TEKT3: variants seen among roughly 807,000 people sequenced by gnomAD.
TEKT3 encodes tektin 3, also known as tektin-3.
Under a neutral mutation model 49.8 loss-of-function variants are expected in TEKT3, and 49 were observed. The observed-to-expected ratio is 0.98, with a 90% CI of 0.78 to 1.25. The LOEUF is 1.25. TEKT3 is among the 50% of genes most tolerant of loss of function. The probability of loss-of-function intolerance (pLI) is 0.00; values close to 1 mark genes in which losing one functional copy is unlikely to be tolerated. For missense variants in TEKT3, 595 were observed against 629.5 expected, an observed-to-expected ratio of 0.95 and a Z score of 0.59; for synonymous variants, 225 against 237.2, an observed-to-expected ratio of 0.95 and a Z score of 0.47.
chr17:15,309,819 C>T (rs1049160235), intron 7 of TEKT3, among the ~76,000 whole-genome samples: 16 of 152,082 alleles, frequency 1.1e-4, no homozygotes, highest in African/African-American at 3.9e-4. Flanking sequence ...AAGCTGACAT[C>T]GAGGCCTCTC....
chr17:15,321,523 C>A (rs1911256687), intron 4 of TEKT3, among the ~76,000 whole-genome samples: 1 of 152,100 alleles, frequency 6.6e-6, no homozygotes, highest in African/African-American at 2.4e-5. Flanking sequence ...CCCTCACCTG[C>A]CCAAGAGAAG....
At chr17:15,332,199 AT>A (rs1353310028) in intron 2 of TEKT3, among the ~76,000 whole-genome samples, 1 of 152,274 alleles carries the variant, frequency 6.6e-6, no homozygotes, top group East Asian at 1.9e-4. Flanking sequence ...TAAAAAATAA[AT>A]AAATAAATAA....
intron 3 of TEKT3, 115 bp downstream of exon 3, chr17:15,330,892 G>A: frequency 9.4e-7 from 1 of 1,066,860 alleles, no homozygotes. Flanking sequence ...TTTATTGATA[G>A]GGGGTTGGCT....
chr17:15,319,835 C>T (rs560551386), intron 4 of TEKT3, among the ~76,000 whole-genome samples: 3 of 152,246 alleles, frequency 2.0e-5, no homozygotes, highest in African/African-American at 4.8e-5. Flanking sequence ...TTTCTATGCA[C>T]GTTAGAAAAT....
upstream of TEKT3, among the ~76,000 whole-genome samples, chr17:15,342,884 T>C (rs900546263): frequency 1.3e-5 from 2 of 152,212 alleles, no homozygotes; most frequent in African/African-American, 4.8e-5. Flanking sequence ...CTATGTTCCT[T>C]ATCAGCAACT....
In TEKT3 at chr17:15,303,862, T is replaced by A. The variant is rs971945006; in HGVS notation, c.*74A>T. On this transcript the variant is annotated 3_prime_UTR_variant, in exon 9 of 9. Coordinates refer to ENST00000395930, the MANE Select transcript of TEKT3 (RefSeq NM_031898.3). ...CTTTAATAAGTGACTATATTAGCAT[T>A]CGGTTCAAATGCTGAGACAGTGCTC... 20 of 1,354,642 alleles carry A rather than the reference T, an allele frequency of 1.5e-5. No homozygotes were observed. The highest frequency in any genetic ancestry group is 2.9e-5 in the African/African-American group (2 of 69,532). 83.9% of individuals were successfully genotyped at this position (1,354,642 alleles called of 1,614,324 possible).
intron 8 of TEKT3, among the ~76,000 whole-genome samples, chr17:15,305,328 T>C (rs146384547): frequency 9.9e-5 from 15 of 152,276 alleles, no homozygotes; most frequent in Non-Finnish European, 1.9e-4. Context: ...TGCAACACCT[T>C]TCATCTTACA....
At chr17:15,333,689 C>G (rs1307974370) in intron 2 of TEKT3, among the ~76,000 whole-genome samples, 1 of 152,034 alleles carries the variant, frequency 6.6e-6, no homozygotes, top group African/African-American at 2.4e-5. Context: ...CAAGAAACTT[C>G]AAGTGGTGAT....
intron 8 of TEKT3, 34 bp downstream of exon 8, chr17:15,308,630 C>T (rs761979180): frequency 9.4e-6 from 15 of 1,588,914 alleles, no homozygotes; most frequent in South Asian, 4.4e-5. Context: ...GGTGGCCCTC[C>T]GAGCGAGCCC....
At chr17:15,336,139 C>T (rs1432755877) in intron 2 of TEKT3, among the ~76,000 whole-genome samples, 1 of 151,948 alleles carries the variant, frequency 6.6e-6, no homozygotes, top group African/African-American at 2.4e-5. Flanking sequence ...CGTGCACACA[C>T]ACAACCCCCT....
intron 5 of TEKT3, among the ~76,000 whole-genome samples, chr17:15,315,293 G>A (rs748750834): frequency 2.0e-5 from 3 of 152,180 alleles, no homozygotes; most frequent in Non-Finnish European, 2.9e-5. Flanking sequence ...ACATAAAAAA[G>A]GAGGAATCAG....
intron 3 of TEKT3, among the ~76,000 whole-genome samples, chr17:15,329,401 G>C (rs1165794850): frequency 6.6e-6 from 1 of 152,140 alleles, no homozygotes; most frequent in Non-Finnish European, 1.5e-5. Context: ...TCTGAAAGTA[G>C]TCATCACTGA....
intron 8 of TEKT3, among the ~76,000 whole-genome samples, chr17:15,305,823 CAGTT>C (rs1464313612): frequency 1.3e-5 from 2 of 151,516 alleles, no homozygotes; most frequent in Non-Finnish European, 2.9e-5. Flanking sequence ...AGAACGTAGG[CAGTT>C]AGAATACTTG....
intron 5 of TEKT3, among the ~76,000 whole-genome samples, chr17:15,315,954 G>C (rs1910987818): frequency 1.3e-5 from 2 of 152,226 alleles, no homozygotes; most frequent in Non-Finnish European, 2.9e-5. Flanking sequence ...CTAGCTGCAG[G>C]TTCCCTTCAA....
rs562669182 is a variant in TEKT3, at chr17:15,318,725, A to G, written c.734+352T>C. ...GCTAATTTGTATCTTTTATCTGTAG[A>G]GCAGAGGTCTCATTACATTGCCCAG... On this transcript the variant is annotated intron_variant, in intron 5 of 8. Coordinates refer to ENST00000395930, the MANE Select transcript of TEKT3 (RefSeq NM_031898.3). 2.0e-5 allele frequency among the ~76,000 whole-genome samples: 3 copies of G among 152,264 alleles called. No individual in the cohort carries two copies. The East Asian group carries it at 5.8e-4, about 29-fold the overall frequency.
At chr17:15,336,942 A>G (rs922380734) in intron 2 of TEKT3, among the ~76,000 whole-genome samples, 2 of 152,196 alleles carry the variant, frequency 1.3e-5, no homozygotes, top group African/African-American at 4.8e-5. Context: ...CAGAGGTGAC[A>G]TGATACATAC....
At chr17:15,308,622 TG>T (rs780396207) in intron 8 of TEKT3, 41 bp downstream of exon 8, 2 of 1,585,772 alleles carry the variant, frequency 1.3e-6, no homozygotes, top group Non-Finnish European at 1.7e-6. Flanking sequence ...GTTGGTCTGG[TG>T]GCCCTCCGAG....
At chr17:15,305,101 C>T (rs1910489416) in intron 8 of TEKT3, among the ~76,000 whole-genome samples, 1 of 152,156 alleles carries the variant, frequency 6.6e-6, no homozygotes, top group Non-Finnish European at 1.5e-5. Context: ...CGGAGGACGT[C>T]TTGGGAGGTA....
chr17:15,331,363 C>T lies in TEKT3; in HGVS notation c.223G>A (p.Val75Met), dbSNP rs760542425. ...AAGGGAAGCATGGTATTCTCGGACA[C>T]CCTCTGTGATCTGGTGCAGTACGGG... is the stretch of plus-strand genomic sequence containing the variant. ...VAPYCTRSQR[V>M]SENTMLPFVS... The change falls in exon 3 of 9, where the codon GTG (valine) becomes ATG (methionine). Residue 75 changes from valine (V) to methionine (M), a missense_variant. Physicochemically the swap from Val to Met is conservative, Grantham distance 21. Coordinates refer to ENST00000395930, the MANE Select transcript of TEKT3 (RefSeq NM_031898.3). 1.2e-6 allele frequency: 2 copies of T among 1,614,026 alleles called. No homozygotes were observed. Among genetic ancestry groups the T allele is most frequent in the Non-Finnish European group, 1.7e-6 (2 of 1,180,020 alleles).
Sources: allele counts gnomAD v4.1 joint callset (sites outside exome capture counted in the v4.1 genomes callset), GRCh38; gene constraint gnomAD v4.1.1; transcripts MANE v1.5; gene names NCBI Gene and HGNC (gene_info 2026-07-23, HGNC 2026-07-21).